Variants in MAF observed in about 807,000 individuals in gnomAD.
The protein encoded by MAF is MAF bZIP transcription factor.
MAF carries 10 observed loss-of-function variants against 22.0 expected under a neutral mutation model. The observed-to-expected ratio is 0.45, with a 90% CI of 0.28 to 0.77. MAF has a LOEUF of 0.77. MAF is among the 30% of genes least tolerant of loss of function. The pLI is 0.12. For missense variants in MAF, 544 were observed against 548.4 expected (o/e 0.99, Z 0.08); for synonymous variants, 337 against 255.8 (o/e 1.32, Z -3.03).
the MAF span, among the ~76,000 whole-genome samples, chr16:79,570,363 C>CAA: frequency 0.11 from 16,752 of 152,074 alleles, 1,021 homozygotes; most frequent in African/African-American, 0.14. Flanking sequence ...ATTCCAAAGC[C>CAA]ATTTCCTTAT....
chr16:79,354,163 T>C, the MAF span, among the ~76,000 whole-genome samples: 1 of 151,864 alleles, frequency 6.6e-6, no homozygotes. Context: ...ACTAATTTTT[T>C]TGGGTTTTCA....
chr16:79,428,735 C>A, the MAF span, among the ~76,000 whole-genome samples: 1 of 152,112 alleles, frequency 6.6e-6, no homozygotes, highest in Admixed American at 6.6e-5. Context: ...GTTCTAGCTA[C>A]TTGGGAGGCT....
the MAF span, among the ~76,000 whole-genome samples, chr16:79,414,078 G>C: frequency 6.6e-6 from 1 of 152,168 alleles, no homozygotes; most frequent in African/African-American, 2.4e-5. Flanking sequence ...GCCTTTGCCA[G>C]CTTGGTGGTT....
chr16:79,531,523 G>T, the MAF span, among the ~76,000 whole-genome samples: 2 of 152,064 alleles, frequency 1.3e-5, no homozygotes, highest in African/African-American at 2.4e-5. Context: ...GGAGAGCTAA[G>T]CTTGTTTTCT....
chr16:79,421,402 C>T, the MAF span, among the ~76,000 whole-genome samples: 2 of 152,206 alleles, frequency 1.3e-5, no homozygotes, highest in African/African-American at 4.8e-5. Context: ...TAGTGCCTGG[C>T]AACCGCTGAT....
At chr16:79,252,340 T>A in the MAF span, among the ~76,000 whole-genome samples, 1 of 152,246 alleles carries the variant, frequency 6.6e-6, no homozygotes, top group Non-Finnish European at 1.5e-5. Context: ...TGGAATTTCA[T>A]ATACTTTTTG....
the MAF span, among the ~76,000 whole-genome samples, chr16:79,456,011 C>G: frequency 6.6e-6 from 1 of 152,178 alleles, no homozygotes; most frequent in South Asian, 2.1e-4. Context: ...CAGCAAGACT[C>G]TCTCAAAATA....
rs1460184131 is a variant in MAF, at chr16:79,599,478, G to C, written c.425C>G (p.Ala142Gly). ...CAAGGAGGCGCCGGCACCGGCCCCG[G>C]CCGCCGCGGCCAGCTGCTGCGCCCC... ...ARGAQQLAAA[A>G]GAGAGASLGG... The change falls in exon 1 of 2, where the codon GCC (alanine) becomes GGC (glycine). Residue 142 changes from alanine (A) to glycine (G), a missense_variant. By Grantham distance (60) the Ala-to-Gly change is moderately conservative. Around this residue, in one of 5 missense-constraint regions of MAF, gnomAD observed 342 missense variants for 315.5 expected, o/e 1.08. Coordinates refer to ENST00000326043, the MANE Select transcript of MAF (RefSeq NM_005360.5). 1 of 1,395,830 alleles carries C rather than the reference G, an allele frequency of 7.2e-7. No homozygotes were observed. The highest frequency in any genetic ancestry group is 9.2e-7 in the Non-Finnish European group (1 of 1,084,682). The allele number at this position is 1,395,830 out of a possible 1,614,324, so 86.5% of individuals were successfully genotyped here.
chr16:79,228,718 C>G, the MAF span, among the ~76,000 whole-genome samples: 3 of 152,032 alleles, frequency 2.0e-5, no homozygotes, highest in Non-Finnish European at 1.5e-5. Context: ...TCAGATGTTT[C>G]TCCTCTGTTT....
intron 1 of MAF, chr16:79,595,364 C>G (rs571926199): frequency 2.9e-6 from 3 of 1,051,398 alleles, no homozygotes; most frequent in South Asian, 4.6e-5. Flanking sequence ...GCACCAAACA[C>G]AACCTGTTTT....
the MAF span, among the ~76,000 whole-genome samples, chr16:79,335,366 A>G: frequency 6.6e-6 from 1 of 152,158 alleles, no homozygotes; most frequent in Non-Finnish European, 1.5e-5. Context: ...ACCAGCCTGC[A>G]GAGAGCTTGT....
At chr16:79,537,186 C>T in the MAF span, among the ~76,000 whole-genome samples, 1 of 152,184 alleles carries the variant, frequency 6.6e-6, no homozygotes, top group Non-Finnish European at 1.5e-5. Context: ...ATTCTCAGTT[C>T]ATATCTGCTT....
the MAF span, among the ~76,000 whole-genome samples, chr16:79,514,663 C>T: frequency 6.6e-6 from 1 of 152,004 alleles, no homozygotes; most frequent in Non-Finnish European, 1.5e-5. Flanking sequence ...ATGGATAGTC[C>T]CTGTCTACCT....
the MAF span, among the ~76,000 whole-genome samples, chr16:79,551,354 G>A: frequency 1.3e-5 from 2 of 152,252 alleles, no homozygotes; most frequent in African/African-American, 4.8e-5. Flanking sequence ...CTCTGATATG[G>A]AGTCTTTCAC....
At chr16:79,525,289 A>G in the MAF span, among the ~76,000 whole-genome samples, 4 of 152,202 alleles carry the variant, frequency 2.6e-5, no homozygotes, top group African/African-American at 7.2e-5. Context: ...TGTTTTGGGT[A>G]AAGTGATAGT....
chr16:79,538,777 G>C, the MAF span, among the ~76,000 whole-genome samples: 1 of 151,258 alleles, frequency 6.6e-6, no homozygotes, highest in Non-Finnish European at 1.5e-5. Context: ...AGTGAGCTGA[G>C]ATCACACCAC....
the MAF span, among the ~76,000 whole-genome samples, chr16:79,469,967 T>A: frequency 6.6e-6 from 1 of 152,216 alleles, no homozygotes; most frequent in South Asian, 2.1e-4. Context: ...CAGACATAAG[T>A]TATCTTAAGT....
the MAF span, among the ~76,000 whole-genome samples, chr16:79,377,355 C>A: frequency 6.6e-6 from 1 of 152,168 alleles, no homozygotes; most frequent in South Asian, 2.1e-4. Context: ...ATATCCTTCG[C>A]CCACTTGTTG....
chr16:79,304,250 G>A, the MAF span, among the ~76,000 whole-genome samples: 1 of 152,146 alleles, frequency 6.6e-6, no homozygotes, highest in Non-Finnish European at 1.5e-5. Context: ...TGTCAGCCCG[G>A]GAAGCATCGC....
Sources: gnomAD v4.1 joint callset for allele counts (sites outside exome capture counted in the v4.1 genomes callset) on GRCh38, gnomAD v4.1.1 for gene constraint, gnomAD v4.1.1 regional missense constraint, MANE v1.5 for transcripts, NCBI Gene and HGNC (gene_info 2026-07-23, HGNC 2026-07-21) for gene names.